The following KAZN variants were observed in gnomAD, a reference collection of about 807,000 sequenced individuals.
KAZN encodes kazrin, periplakin interacting protein, also known as kazrin.
KAZN carries 40 observed loss-of-function variants against 87.4 expected under a neutral mutation model. The ratio of observed to expected loss-of-function variants is 0.46; its 90% CI spans 0.36 to 0.60. The LOEUF is 0.60. Among genes scored for constraint, KAZN ranks in the 20% least tolerant of loss-of-function variants. The pLI is 0.00. For missense variants in KAZN, 898 were observed against 1,073.9 expected (o/e 0.84, Z 2.29); for synonymous variants, 466 against 458.3 (o/e 1.02, Z -0.22).
chr1:14,836,358 G>A (rs75107712), intron 1 of KAZN, among the ~76,000 whole-genome samples: 4,788 of 152,248 alleles, frequency 0.031, 91 homozygotes, highest in Middle Eastern at 0.054. Context: ...TGACAGACTG[G>A]GGAGTGGGTG....
At chr1:14,438,709 G>T (rs1481449629) in intron 2 of KAZN, among the ~76,000 whole-genome samples, 1 of 152,196 alleles carries the variant, frequency 6.6e-6, no homozygotes, top group Non-Finnish European at 1.5e-5. Context: ...CACTGGAAGG[G>T]TTTTGGCTTC....
chr1:13,898,919 G>T (rs1377604285), intron 1 of KAZN, among the ~76,000 whole-genome samples: 2 of 152,220 alleles, frequency 1.3e-5, no homozygotes, highest in Non-Finnish European at 2.9e-5. Flanking sequence ...AACTAAGAGG[G>T]CAAGGGAACT....
chr1:14,416,690 T>G (rs1473133484), intron 2 of KAZN, among the ~76,000 whole-genome samples: 9 of 151,834 alleles, frequency 5.9e-5, no homozygotes, highest in Non-Finnish European at 1.0e-4. Context: ...TGAGCTGAGA[T>G]CACGCCACTG....
chr1:14,150,392 A>T (rs1010938914), intron 1 of KAZN, among the ~76,000 whole-genome samples: 7 of 152,182 alleles, frequency 4.6e-5, no homozygotes, highest in Admixed American at 3.3e-4. Flanking sequence ...GGTTCCAGAA[A>T]CAGTAAGAGT....
At chr1:14,107,745 A>G (rs1398903190) in intron 1 of KAZN, among the ~76,000 whole-genome samples, 1 of 152,152 alleles carries the variant, frequency 6.6e-6, no homozygotes, top group Non-Finnish European at 1.5e-5. Context: ...ACATAAACTC[A>G]TGAGCTTTGT....
chr1:14,083,196 GA>G (rs1643745513), intron 1 of KAZN, among the ~76,000 whole-genome samples: 1 of 152,212 alleles, frequency 6.6e-6, no homozygotes, highest in African/African-American at 2.4e-5. Context: ...TAGCCATGTA[GA>G]ATCTTTGCAT....
chr1:14,267,359 C>CAAAAAAAAAAA (rs61641430), intron 2 of KAZN, among the ~76,000 whole-genome samples: 1 of 64,738 alleles, frequency 1.5e-5, no homozygotes, highest in African/African-American at 5.5e-5. Flanking sequence ...AGCCGATAAG[C>CAAAAAAAAAAA]AAAAAAAAAA....
At chr1:14,842,346 A>T (rs1161385649) in intron 1 of KAZN, among the ~76,000 whole-genome samples, 1 of 152,134 alleles carries the variant, frequency 6.6e-6, no homozygotes, top group Non-Finnish European at 1.5e-5. Context: ...TTATTTCTAG[A>T]ACAGTAATAG....
intron 2 of KAZN, among the ~76,000 whole-genome samples, chr1:15,024,796 A>G (rs942699892): frequency 9.9e-5 from 15 of 152,192 alleles, no homozygotes; most frequent in African/African-American, 3.6e-4. Context: ...GGTCCACTTG[A>G]GTCTTCTCAT....
chr1:14,657,479 C>T (rs1638877748), intron 1 of KAZN, among the ~76,000 whole-genome samples: 1 of 152,152 alleles, frequency 6.6e-6, no homozygotes, highest in South Asian at 2.1e-4. Context: ...CACAAGTTTC[C>T]AGGTGATGCT....
chr1:14,922,369 CTCTG>C (rs1658618990), intron 1 of KAZN, among the ~76,000 whole-genome samples: 1 of 152,136 alleles, frequency 6.6e-6, no homozygotes. Context: ...TTTTGTTCTG[CTCTG>C]TCTGTTATCT....
Position 15,114,802 on chromosome 1 carries a change from G to C in KAZN, c.*167G>C. ...TGCGGTTTCAGCTCCACAGCGCCCAGGAGAGAGAAGACACCAGCCCACCTG... is the reference window on the plus strand; with the variant it reads ...TGCGGTTTCAGCTCCACAGCGCCCACGAGAGAGAAGACACCAGCCCACCTG... On this transcript the variant is annotated 3_prime_UTR_variant, in exon 15 of 15. Transcript: ENST00000376030. 1.6e-6 allele frequency: 1 copy of C among 633,408 alleles called. No individual in the cohort carries two copies. The highest frequency in any genetic ancestry group is 2.6e-6 in the Non-Finnish European group (1 of 377,610). 39.2% of individuals were successfully genotyped at this position (633,408 alleles called of 1,614,324 possible).
At chr1:15,107,061 A>C (rs1641319436) in intron 13 of KAZN, among the ~76,000 whole-genome samples, 1 of 152,240 alleles carries the variant, frequency 6.6e-6, no homozygotes, top group Admixed American at 6.5e-5. Context: ...CTGGAACCAG[A>C]GCAGGACTGG....
intron 1 of KAZN, among the ~76,000 whole-genome samples, chr1:13,913,543 A>G (rs911934253): frequency 2.6e-5 from 4 of 152,118 alleles, no homozygotes; most frequent in Admixed American, 6.5e-5. Context: ...GTGCAGCTCC[A>G]TTCTTCCCAA....
At chr1:14,567,017 G>A (rs1674584832) in intron 2 of KAZN, among the ~76,000 whole-genome samples, 2 of 152,058 alleles carry the variant, frequency 1.3e-5, no homozygotes, top group Non-Finnish European at 2.9e-5. Flanking sequence ...CTTTTCTTTT[G>A]CATTTACAAC....
intron 1 of KAZN, among the ~76,000 whole-genome samples, chr1:14,648,687 T>G (rs937806956): frequency 6.6e-6 from 1 of 152,200 alleles, no homozygotes; most frequent in Non-Finnish European, 1.5e-5. Context: ...ATAGAACCTT[T>G]GCTTCAAGGG....
intron 2 of KAZN, among the ~76,000 whole-genome samples, chr1:14,524,098 T>G (rs769034544): frequency 1.3e-5 from 2 of 152,036 alleles, no homozygotes; most frequent in Non-Finnish European, 2.9e-5. Context: ...CTCGGCTCAC[T>G]GCAACCTCTG....
At chr1:14,252,482 C>A (rs952352336) in intron 2 of KAZN, among the ~76,000 whole-genome samples, 1 of 152,166 alleles carries the variant, frequency 6.6e-6, no homozygotes, top group Non-Finnish European at 1.5e-5. Flanking sequence ...CTTGCCAGGG[C>A]CTTTCCTACC....
intron 2 of KAZN, among the ~76,000 whole-genome samples, chr1:14,475,192 TTGGGTGATGTG>T (rs920285969): frequency 6.6e-6 from 1 of 152,020 alleles, no homozygotes; most frequent in Admixed American, 6.6e-5. Flanking sequence ...AGGAAAGATA[TTGGGTGATGTG>T]TGGGTGATGA....
Sources: allele counts gnomAD v4.1 joint callset (sites outside exome capture counted in the v4.1 genomes callset), GRCh38; gene constraint gnomAD v4.1.1; transcripts MANE v1.5; gene names NCBI Gene and HGNC (gene_info 2026-07-23, HGNC 2026-07-21).